The following SLC9B1 variants were observed in gnomAD, a reference collection of about 807,000 sequenced individuals.
The protein encoded by SLC9B1 is solute carrier family 9 member B1, also known as sodium/hydrogen exchanger 9B1.
Under a neutral mutation model 51.7 loss-of-function variants are expected in SLC9B1, and 32 were observed. The ratio of observed to expected loss-of-function variants is 0.62; its 90% confidence interval spans 0.47 to 0.83. The LOEUF is 0.83. Ranked by LOEUF, SLC9B1 falls within the 40% of genes least tolerant of loss-of-function variation. SLC9B1 has a pLI of 0.00. For synonymous variants in SLC9B1, 145 were observed against 212.7 expected (o/e 0.68, Z 2.77); for missense variants, 406 against 613.2 (o/e 0.66, Z 3.57).
rs1196500985 is a variant in SLC9B1 at position 102,956,463 on chromosome 4, C to T, written c.212-7036G>A. Among the ~76,000 whole-genome samples, 65 of 152,154 alleles carry T rather than the reference C, an allele frequency of 4.3e-4. 1 individual carries two copies. Among genetic ancestry groups the T allele is most frequent in the Admixed American group, 4.1e-3 (63 of 15,252 alleles). On this transcript the variant is annotated intron_variant, in intron 3 of 11. Transcript: ENST00000296422. ...GACAAAAAGTAAAAATGAAGTAAGA[C>T]TTGAGTATTAATTGCAACTTTGAAT...
rs1426816598 is a variant in SLC9B1 at position 102,955,847 on chromosome 4, AAGAAAGAAAG to A, written c.212-6430_212-6421del. On this transcript the variant is annotated intron_variant, in intron 3 of 11. Coordinates refer to ENST00000296422, the MANE Select transcript of SLC9B1 (RefSeq NM_139173.4). ...AGTGGAAGAAAGAAAGAGAGAGAGA[AAGAAAGAAAG>A]AAAGAAAGAAAGAAAGAAAGAAAGA... 2.5e-3 allele frequency among the ~76,000 whole-genome samples: 190 copies of A among 74,810 alleles called. 2 individuals carry two copies. Among genetic ancestry groups the A allele is most frequent in the African/African-American group, 0.014 (184 of 13,362 alleles). 49.1% of individuals were successfully genotyped at this position (74,810 alleles called of 152,430 possible).
At chr4:102,957,487 G>GA (rs1737868066) in intron 3 of SLC9B1, among the ~76,000 whole-genome samples, 1 of 151,802 alleles carries the variant, frequency 6.6e-6, no homozygotes, top group African/African-American at 2.4e-5. Flanking sequence ...ATTTTTATCT[G>GA]AAAAAAATGG....
intron 11 of SLC9B1, among the ~76,000 whole-genome samples, chr4:102,893,285 A>AG: frequency 6.9e-6 from 1 of 144,402 alleles, no homozygotes; most frequent in Non-Finnish European, 1.5e-5. Context: ...CCATCTCAAA[A>AG]AAAAAAAAAA....
chr4:102,923,171 C>T (rs892008206), intron 7 of SLC9B1, among the ~76,000 whole-genome samples: 1 of 152,154 alleles, frequency 6.6e-6, no homozygotes, highest in African/African-American at 2.4e-5. Context: ...CAATAAGATA[C>T]TGACAAACTG....
downstream of SLC9B1, among the ~76,000 whole-genome samples, chr4:102,898,978 T>A (rs1007856625): frequency 6.6e-6 from 1 of 152,118 alleles, no homozygotes; most frequent in Admixed American, 6.5e-5. Context: ...CCTGACCTCA[T>A]GATCCACCCG....
intron 4 of SLC9B1, among the ~76,000 whole-genome samples, chr4:102,948,049 C>G (rs1019771027): frequency 3.3e-5 from 5 of 152,092 alleles, no homozygotes; most frequent in African/African-American, 4.8e-5. Flanking sequence ...CCTCCTCCCA[C>G]TATGCAGTTC....
chr4:103,003,067 TACTC>T (rs1241178025), intron 1 of SLC9B1, among the ~76,000 whole-genome samples: 2 of 152,212 alleles, frequency 1.3e-5, no homozygotes, highest in East Asian at 1.9e-4. Flanking sequence ...CACTGTTACT[TACTC>T]ACCTTATTTT....
At chr4:102,933,617 GAGA>G (rs1029289520) in intron 6 of SLC9B1, among the ~76,000 whole-genome samples, 5 of 152,178 alleles carry the variant, frequency 3.3e-5, no homozygotes, top group Admixed American at 6.5e-5. Flanking sequence ...GGTGGGGTGG[GAGA>G]AGATCTGCTT....
chr4:102,969,458 T>C (rs1348976529), intron 3 of SLC9B1, among the ~76,000 whole-genome samples: 1 of 151,974 alleles, frequency 6.6e-6, no homozygotes, highest in Non-Finnish European at 1.5e-5. Context: ...AAAAAGGACA[T>C]CCACACCAAA....
chr4:102,923,318 A>G (rs1413608320), intron 7 of SLC9B1, among the ~76,000 whole-genome samples: 1 of 152,218 alleles, frequency 6.6e-6, no homozygotes, highest in African/African-American at 2.4e-5. Flanking sequence ...AAACCACATG[A>G]TTATCTTAAT....
intron 3 of SLC9B1, among the ~76,000 whole-genome samples, chr4:102,964,580 A>G (rs567701842): frequency 9.2e-5 from 14 of 152,346 alleles, no homozygotes; most frequent in Non-Finnish European, 1.8e-4. Context: ...TGAGCAACAT[A>G]TGAAAAGGAT....
chr4:102,917,441 ATATCTAT>A (rs892178230), intron 7 of SLC9B1, among the ~76,000 whole-genome samples: 2 of 62,524 alleles, frequency 3.2e-5, no homozygotes, highest in African/African-American at 2.4e-4. Flanking sequence ...ATCTATATCT[ATATCTAT>A]ATCTATATCT....
chr4:102,969,594 G>C (rs1367348959), intron 3 of SLC9B1, among the ~76,000 whole-genome samples: 1 of 152,156 alleles, frequency 6.6e-6, no homozygotes, highest in African/African-American at 2.4e-5. Context: ...CAAAGGATCG[G>C]AGCTCCTCGC....
intron 7 of SLC9B1, among the ~76,000 whole-genome samples, chr4:102,917,959 C>T (rs951520654): frequency 6.6e-6 from 1 of 151,396 alleles, no homozygotes; most frequent in African/African-American, 2.4e-5. Flanking sequence ...ATCCCAGCTA[C>T]TCTGGAGGCT....
intron 1 of SLC9B1, among the ~76,000 whole-genome samples, chr4:103,017,200 G>A (rs1283178199): frequency 1.3e-5 from 2 of 151,926 alleles, no homozygotes; most frequent in African/African-American, 4.8e-5. Context: ...CCAAAATAGA[G>A]CTCACATACA....
At position 102,911,427 on chromosome 4, in the gene SLC9B1, T is replaced by G. The variant is rs1735327920; in HGVS notation, c.936+4A>C. Reference sequence around the variant, plus strand: ...TACTTCTATAAAATAGATTTTGTATTTACCTGGTCTTCACTTGGAAAATAT... The same window carrying G: ...TACTTCTATAAAATAGATTTTGTATGTACCTGGTCTTCACTTGGAAAATAT... On this transcript the variant is annotated splice_donor_region_variant and intron_variant, in intron 8 of 11. Transcript: ENST00000296422. 6.3e-7 allele frequency: 1 copy of G among 1,578,616 alleles called. No homozygotes were observed. The highest frequency in any genetic ancestry group is 8.6e-7 in the Non-Finnish European group (1 of 1,163,248).
At chr4:102,920,596 T>C (rs1227586557) in intron 7 of SLC9B1, among the ~76,000 whole-genome samples, 1 of 152,082 alleles carries the variant, frequency 6.6e-6, no homozygotes, top group Non-Finnish European at 1.5e-5. Flanking sequence ...AGAAGGTTGG[T>C]AATAACAAAC....
intron 3 of SLC9B1, among the ~76,000 whole-genome samples, chr4:102,970,555 G>A (rs757899316): frequency 3.9e-5 from 6 of 152,080 alleles, no homozygotes; most frequent in South Asian, 2.1e-4. Context: ...AAAGACCATC[G>A]ATCCTAGGAA....
chr4:102,925,296 T>A (rs1232845654), intron 7 of SLC9B1, among the ~76,000 whole-genome samples: 1 of 151,960 alleles, frequency 6.6e-6, no homozygotes, highest in African/African-American at 2.4e-5. Flanking sequence ...GAGAAAACTA[T>A]CACAAGGACA....
Sources: gnomAD v4.1 joint callset for allele counts (sites outside exome capture counted in the v4.1 genomes callset) on GRCh38, gnomAD v4.1.1 for gene constraint, MANE v1.5 for transcripts, NCBI Gene and HGNC (gene_info 2026-07-23, HGNC 2026-07-21) for gene names.